Variants in ATP10D observed in about 807,000 individuals in gnomAD.
The protein encoded by ATP10D is phospholipid-transporting ATPase VD.
A neutral mutation model predicts 144.8 loss-of-function variants in ATP10D; 89 were observed. That is an observed-to-expected ratio of 0.61 (90% CI 0.52 to 0.73). ATP10D has a LOEUF of 0.73. Ranked by LOEUF, ATP10D falls within the 30% of genes least tolerant of loss-of-function variation. ATP10D has a pLI of 0.00. For missense variants in ATP10D, 1,603 were observed against 1,714.8 expected, an observed-to-expected ratio of 0.93 and a Z score of 1.15; for synonymous variants, 571 against 615.1, an observed-to-expected ratio of 0.93 and a Z score of 1.06.
At chr4:47,493,803 AG>A (rs1189796091) in intron 1 of ATP10D, among the ~76,000 whole-genome samples, 1 of 151,628 alleles carries the variant, frequency 6.6e-6, no homozygotes, top group African/African-American at 2.4e-5. Context: ...TGGGTTGGGG[AG>A]GGGGCGGCAG....
intron 5 of ATP10D, 68 bp downstream of exon 5, chr4:47,525,710 A>G: frequency 7.6e-7 from 1 of 1,319,336 alleles, no homozygotes; most frequent in Non-Finnish European, 1.1e-6. Context: ...ACTTAATTTG[A>G]TAAAGTGTTT....
At chr4:47,485,682 G>A (rs1382951820) in intron 1 of ATP10D, among the ~76,000 whole-genome samples, 163 bp downstream of exon 1, 4 of 149,824 alleles carry the variant, frequency 2.7e-5, no homozygotes, top group East Asian at 3.9e-4. Context: ...GGCTGTTACT[G>A]AACTAAAAAA....
intron 10 of ATP10D, 97 bp downstream of exon 10, chr4:47,546,959 C>A: frequency 1.6e-6 from 2 of 1,218,988 alleles, no homozygotes; most frequent in South Asian, 1.3e-5. Context: ...GTTGTCTTTT[C>A]TACCTTAGAA....
At chr4:47,489,951 A>G (rs977773127) in intron 1 of ATP10D, among the ~76,000 whole-genome samples, 3 of 152,184 alleles carry the variant, frequency 2.0e-5, no homozygotes, top group African/African-American at 7.2e-5. Flanking sequence ...AATGAGGAAG[A>G]TGGGTACTAC....
intron 21 of ATP10D, among the ~76,000 whole-genome samples, chr4:47,585,234 GAATATT>G (rs903138426): frequency 1.3e-5 from 2 of 151,380 alleles, no homozygotes; most frequent in African/African-American, 4.9e-5. Flanking sequence ...TTATAACAGA[GAATATT>G]AATATTATGA....
chr4:47,591,003 G>T (rs1483174829), intron 22 of ATP10D, 39 bp from the exon 23 acceptor site: 23 of 1,255,074 alleles, frequency 1.8e-5, no homozygotes, highest in South Asian at 3.0e-5. Context: ...TAATGCATTT[G>T]AGATGAATTT....
At chr4:47,559,149 GCT>G (rs1337527049) in intron 13 of ATP10D, 120 bp downstream of exon 13, 1 of 688,910 alleles carries the variant, frequency 1.5e-6, no homozygotes, top group Admixed American at 3.0e-5. Flanking sequence ...CTGGACACTG[GCT>G]CTCTTTTTAC....
At chr4:47,533,647 C>T (rs949803180) in intron 5 of ATP10D, among the ~76,000 whole-genome samples, 2 of 152,098 alleles carry the variant, frequency 1.3e-5, no homozygotes, top group Non-Finnish European at 2.9e-5. Context: ...ATGTGAAAAC[C>T]ATTACTGTTG....
chr4:47,517,164 A>T (rs1341973607), intron 3 of ATP10D, among the ~76,000 whole-genome samples: 1 of 152,182 alleles, frequency 6.6e-6, no homozygotes, highest in Non-Finnish European at 1.5e-5. Context: ...GTGTAATCCC[A>T]CCACTTTGGG....
chr4:47,542,775 G>C (rs1470253672), intron 9 of ATP10D, among the ~76,000 whole-genome samples: 4 of 152,144 alleles, frequency 2.6e-5, no homozygotes. Context: ...CACCGGGCCT[G>C]GCCTATTTCC....
At chr4:47,496,887 G>A (rs1715410112) in intron 1 of ATP10D, among the ~76,000 whole-genome samples, 3 of 152,018 alleles carry the variant, frequency 2.0e-5, no homozygotes, top group Admixed American at 6.5e-5. Flanking sequence ...TACTGCCCAG[G>A]CTGGAGTGCA....
At chr4:47,532,344 A>T (rs73237089) in intron 5 of ATP10D, among the ~76,000 whole-genome samples, 19,668 of 152,132 alleles carry the variant, frequency 0.13, 1,524 homozygotes, top group South Asian at 0.24. Flanking sequence ...CTGCCCTTTG[A>T]TTCCCACTTG....
In ATP10D at chr4:47,563,704, C is replaced by G; in HGVS notation, c.2792C>G (p.Ala931Gly). The change falls in exon 15 of 23, where the codon GCT becomes GGT. Residue 931 changes from alanine to glycine, a missense_variant. Coordinates refer to ENST00000273859, the MANE Select transcript of ATP10D (RefSeq NM_020453.4). Reference protein sequence around the residue: ...GDKQETAVNIAYACKLLEPDD... With the variant: ...GDKQETAVNIGYACKLLEPDD... ...AAGCAGGAGACAGCTGTCAACATAG[C>G]TTATGCATGCAAACTACTGGAGCCA... The G allele has an allele frequency of 6.2e-7, 1 of 1,613,718 alleles. No individual in the cohort carries two copies. The highest frequency in any genetic ancestry group is 8.5e-7 in the Non-Finnish European group (1 of 1,179,926).
chr4:47,520,040 T>A (rs1440795344), intron 3 of ATP10D, among the ~76,000 whole-genome samples: 1 of 152,232 alleles, frequency 6.6e-6, no homozygotes, highest in Admixed American at 6.5e-5. Flanking sequence ...AATGTGAAAG[T>A]GACTTCATTT....
chr4:47,579,565 G>A (rs910429044), intron 19 of ATP10D, among the ~76,000 whole-genome samples: 1 of 152,170 alleles, frequency 6.6e-6, no homozygotes, highest in Non-Finnish European at 1.5e-5. Flanking sequence ...TCATGTAGGA[G>A]GTCCAGGAAA....
In ATP10D at chr4:47,536,584, A is replaced by T. The variant is rs1219723825; in HGVS notation, c.1143+20A>T. 1 of 1,610,256 alleles carries T rather than the reference A, an allele frequency of 6.2e-7. No homozygotes were observed. Among genetic ancestry groups the T allele is most frequent in the South Asian group, 1.1e-5 (1 of 90,028 alleles). ...TTACAGGTAATTTTTTATCAAGCTTATGGTAGAATTTTAACATCTTTGCTG... is the reference window on the plus strand; with the variant it reads ...TTACAGGTAATTTTTTATCAAGCTTTTGGTAGAATTTTAACATCTTTGCTG... On this transcript the variant is annotated intron_variant, in intron 8 of 22. Coordinates refer to ENST00000273859, the MANE Select transcript of ATP10D (RefSeq NM_020453.4).
chr4:47,593,206 A>AT lies in ATP10D; in HGVS notation c.*1826dup. Reference sequence around the variant, plus strand: ...ATTTTCAGAAATGAATTATCTGTACATATGAATAGAGGAAAATACTGAGTG... The same window carrying AT: ...ATTTTCAGAAATGAATTATCTGTACATTATGAATAGAGGAAAATACTGAGTG... On this transcript the variant is annotated 3_prime_UTR_variant, in exon 23 of 23. Coordinates refer to ENST00000273859, the MANE Select transcript of ATP10D (RefSeq NM_020453.4). 1 of 152,170 alleles carries AT rather than the reference A, an allele frequency of 6.6e-6. No homozygotes were observed. Among genetic ancestry groups the AT allele is most frequent in the East Asian group, 1.9e-4 (1 of 5,198 alleles). 9.4% of individuals were successfully genotyped at this position (152,170 alleles called of 1,614,324 possible). A position where few individuals can be genotyped will look rare whatever the true frequency, so the allele number is the denominator to read the frequency against.
At chr4:47,562,293 G>A (rs1719355089) in intron 14 of ATP10D, among the ~76,000 whole-genome samples, 1 of 152,034 alleles carries the variant, frequency 6.6e-6, no homozygotes, top group South Asian at 2.1e-4. Context: ...TTCAGAAAAG[G>A]GAACTGTAGA....
Position 47,515,561 on chromosome 4 carries a change from C to T in ATP10D, c.376C>T (p.Pro126Ser). The change falls in exon 3 of 23, where the codon CCT becomes TCT. Residue 126 changes from proline (P) to serine (S), a missense_variant. Transcript: ENST00000273859. ...EAFQKEITML[P>S]LVVVLTIIAI... The stretch of plus-strand genomic sequence containing the variant: ...CTTCCAAAAGGAAATCACCATGTTG[C>T]CTCTGGTGGTGGTCCTTACAATTAT... 1 of 1,612,968 alleles carries T rather than the reference C, an allele frequency of 6.2e-7. No homozygotes were observed. The highest frequency in any genetic ancestry group is 8.5e-7 in the Non-Finnish European group (1 of 1,178,982).
Sources: allele counts gnomAD v4.1 joint callset (sites outside exome capture counted in the v4.1 genomes callset), GRCh38; gene constraint gnomAD v4.1.1; transcripts MANE v1.5; gene names NCBI Gene and HGNC (gene_info 2026-07-23, HGNC 2026-07-21).